Variants in COL25A1 observed in about 807,000 individuals in gnomAD.
The protein encoded by COL25A1 is collagen alpha-1(XXV) chain.
In COL25A1, 103 loss-of-function variants were observed where a neutral mutation model predicts 128.4. The ratio of observed to expected loss-of-function variants is 0.80; its 90% CI spans 0.68 to 0.94. The LOEUF is 0.94. Ranked by LOEUF, COL25A1 falls within the 40% of genes least tolerant of loss-of-function variation. The pLI, the probability that COL25A1 is intolerant of heterozygous loss-of-function variation, is 0.00. For synonymous variants in COL25A1, 279 were observed against 277.2 expected (o/e 1.01, Z -0.06); for missense variants, 745 against 840.0 (o/e 0.89, Z 1.40).
At chr4:108,834,124 C>G (rs1041600985) in intron 31 of COL25A1, among the ~76,000 whole-genome samples, 1 of 152,184 alleles carries the variant, frequency 6.6e-6, no homozygotes, top group Non-Finnish European at 1.5e-5. Flanking sequence ...GACTTGAACA[C>G]GAGCTTCACA....
At chr4:109,141,205 C>A (rs1770371287) in intron 3 of COL25A1, among the ~76,000 whole-genome samples, 1 of 152,100 alleles carries the variant, frequency 6.6e-6, no homozygotes, top group Non-Finnish European at 1.5e-5. Flanking sequence ...TGGTTTTGGT[C>A]ATTGGTTCTG....
intron 3 of COL25A1, among the ~76,000 whole-genome samples, chr4:109,170,915 T>A (rs1773525535): frequency 6.6e-6 from 1 of 152,298 alleles, no homozygotes; most frequent in East Asian, 1.9e-4. Flanking sequence ...GTGGGTATTG[T>A]CTGTTGCTTT....
intron 3 of COL25A1, among the ~76,000 whole-genome samples, chr4:109,076,377 C>G (rs1191206629): frequency 3.9e-5 from 6 of 152,064 alleles, no homozygotes; most frequent in Non-Finnish European, 7.4e-5. Context: ...TTTTATTAAC[C>G]CTAGTAGCTT....
At chr4:109,053,960 G>A (rs1045249556) in intron 3 of COL25A1, among the ~76,000 whole-genome samples, 3 of 152,132 alleles carry the variant, frequency 2.0e-5, no homozygotes, top group South Asian at 2.1e-4. Context: ...ATAAATACCC[G>A]AGAATAGGGA....
chr4:108,913,091 A>G (rs1744430002), intron 13 of COL25A1, among the ~76,000 whole-genome samples: 1 of 151,948 alleles, frequency 6.6e-6, no homozygotes, highest in African/African-American at 2.4e-5. Context: ...TTTTTTGGAA[A>G]CAATCCCTAT....
chr4:108,947,140 T>G (rs929180040), intron 8 of COL25A1, among the ~76,000 whole-genome samples: 1 of 152,088 alleles, frequency 6.6e-6, no homozygotes, highest in Non-Finnish European at 1.5e-5. Flanking sequence ...TGGACACGCA[T>G]ATAAAATAGA....
intron 3 of COL25A1, among the ~76,000 whole-genome samples, chr4:109,257,559 C>T (rs1364589813): frequency 2.6e-5 from 4 of 152,170 alleles, no homozygotes; most frequent in South Asian, 4.1e-4. Flanking sequence ...CAGGGGACTA[C>T]GGTGTTCTAT....
intron 3 of COL25A1, among the ~76,000 whole-genome samples, chr4:109,164,948 A>G (rs955959450): frequency 6.6e-6 from 1 of 152,198 alleles, no homozygotes. Context: ...TATGTTTCCC[A>G]AACCATTGAG....
chr4:109,206,632 T>C (rs547020423), intron 3 of COL25A1, among the ~76,000 whole-genome samples: 1 of 152,300 alleles, frequency 6.6e-6, no homozygotes, highest in South Asian at 2.1e-4. Flanking sequence ...CTGCTCTATT[T>C]GGCCATCTTC....
At chr4:109,227,657 C>T (rs1441677948) in intron 3 of COL25A1, among the ~76,000 whole-genome samples, 2 of 151,620 alleles carry the variant, frequency 1.3e-5, no homozygotes, top group Non-Finnish European at 2.9e-5. Context: ...TTATCACAGC[C>T]TTTCTGCAAG....
At chr4:108,961,811 C>T (rs536270304) in intron 8 of COL25A1, among the ~76,000 whole-genome samples, 10 of 152,222 alleles carry the variant, frequency 6.6e-5, no homozygotes, top group Non-Finnish European at 1.0e-4. Flanking sequence ...CAAGATTGGG[C>T]CACAATTTTA....
intron 8 of COL25A1, among the ~76,000 whole-genome samples, chr4:108,944,888 T>C (rs985291626): frequency 6.6e-6 from 1 of 152,172 alleles, no homozygotes; most frequent in Non-Finnish European, 1.5e-5. Context: ...ATTAGGTGTT[T>C]AGTGCTACAT....
At chr4:109,043,549 T>C (rs185250661) in intron 5 of COL25A1, among the ~76,000 whole-genome samples, 5 of 150,854 alleles carry the variant, frequency 3.3e-5, no homozygotes, top group East Asian at 3.9e-4. Flanking sequence ...AGCATAATCA[T>C]AGGGCTTGAT....
chr4:108,933,004 C>G (rs112739185), intron 11 of COL25A1, among the ~76,000 whole-genome samples: 2,668 of 152,178 alleles, frequency 0.018, 62 homozygotes, highest in Middle Eastern at 0.02. Context: ...TCTTGGAAAC[C>G]CAAAGGTCAT....
rs570474874 is a variant in COL25A1, at chr4:108,974,340, G to T, written c.492+27C>A. On this transcript the variant is annotated intron_variant, in intron 8 of 37. Transcript: ENST00000399132. ...ACTTGGAGTTAGAAACTAATTTTCC[G>T]CCCAAGATAGGTAGAGCACAACTTA... 5 of 1,611,764 alleles carry T rather than the reference G, an allele frequency of 3.1e-6. No homozygotes were observed. The African/African-American group carries it at 5.3e-5, about 17-fold the overall frequency.
At chr4:109,299,807 A>G (rs146519074) in intron 3 of COL25A1, among the ~76,000 whole-genome samples, 12 of 152,244 alleles carry the variant, frequency 7.9e-5, no homozygotes, top group African/African-American at 2.4e-4. Flanking sequence ...CCATATTCCA[A>G]GGGCTTCTAA....
At chr4:108,980,419 T>A (rs1225138280) in intron 6 of COL25A1, among the ~76,000 whole-genome samples, 1 of 152,232 alleles carries the variant, frequency 6.6e-6, no homozygotes, top group African/African-American at 2.4e-5. Flanking sequence ...GTTCACAATT[T>A]AGTGTATTTG....
intron 3 of COL25A1, among the ~76,000 whole-genome samples, chr4:109,131,363 G>T (rs1311376110): frequency 1.3e-5 from 2 of 152,030 alleles, no homozygotes; most frequent in African/African-American, 4.8e-5. Context: ...CCATTGGACA[G>T]TATTGCCCTC....
chr4:109,072,430 G>A (rs1341051739), intron 3 of COL25A1, among the ~76,000 whole-genome samples: 1 of 152,116 alleles, frequency 6.6e-6, no homozygotes, highest in Non-Finnish European at 1.5e-5. Context: ...GTCAAACAAT[G>A]AGAAATCTGT....
Sources: allele counts gnomAD v4.1 joint callset (sites outside exome capture counted in the v4.1 genomes callset), GRCh38; gene constraint gnomAD v4.1.1; transcripts MANE v1.5; gene names NCBI Gene and HGNC (gene_info 2026-07-23, HGNC 2026-07-21).